The following CHSY3 variants were observed in gnomAD, a reference collection of about 807,000 sequenced individuals.
CHSY3 encodes chondroitin sulfate synthase 3.
CHSY3 carries 35 observed loss-of-function variants against 67.2 expected under a neutral mutation model. That is an observed-to-expected ratio of 0.52 (90% CI 0.40 to 0.69). The LOEUF is 0.69. CHSY3 is among the 30% of genes least tolerant of loss of function. The pLI is 0.00. For synonymous variants in CHSY3, 474 were observed against 434.7 expected, an observed-to-expected ratio of 1.09 and a Z score of -1.12; for missense variants, 1,069 against 1,138.5, an observed-to-expected ratio of 0.94 and a Z score of 0.88.
intron 2 of CHSY3, among the ~76,000 whole-genome samples, chr5:129,921,067 G>T (rs1760906996): frequency 1.3e-5 from 2 of 152,166 alleles, no homozygotes; most frequent in African/African-American, 2.4e-5. Flanking sequence ...TGATCTGCCT[G>T]CATTGGCTTC....
intron 2 of CHSY3, among the ~76,000 whole-genome samples, chr5:130,019,931 A>G (rs188606725): frequency 1.3e-5 from 2 of 152,236 alleles, no homozygotes; most frequent in East Asian, 3.9e-4. Context: ...GCATTGATTT[A>G]TTTTGCATTA....
intron 2 of CHSY3, among the ~76,000 whole-genome samples, chr5:129,935,075 A>G (rs1429809151): frequency 6.6e-6 from 1 of 152,220 alleles, no homozygotes; most frequent in Non-Finnish European, 1.5e-5. Context: ...AAATTTCCTT[A>G]GTTACATCAT....
intron 2 of CHSY3, among the ~76,000 whole-genome samples, chr5:130,152,484 T>G (rs1320227886): frequency 6.6e-6 from 1 of 152,252 alleles, no homozygotes; most frequent in Non-Finnish European, 1.5e-5. Flanking sequence ...TGTCGACTTT[T>G]TTTCCTTCAC....
intron 2 of CHSY3, among the ~76,000 whole-genome samples, chr5:130,069,181 T>C (rs1362985782): frequency 6.6e-6 from 1 of 152,068 alleles, no homozygotes. Flanking sequence ...ATAGCCTCTG[T>C]GGTCATCATA....
intron 2 of CHSY3, among the ~76,000 whole-genome samples, chr5:130,017,087 A>C (rs1368244074): frequency 6.6e-6 from 1 of 152,154 alleles, no homozygotes; most frequent in Admixed American, 6.5e-5. Flanking sequence ...AAAGACACTG[A>C]TACAAGACTG....
intron 2 of CHSY3, among the ~76,000 whole-genome samples, chr5:130,106,049 A>G (rs1767406055): frequency 6.6e-6 from 1 of 151,582 alleles, no homozygotes. Flanking sequence ...TTTTACTCTA[A>G]TATCTTACTT....
At chr5:129,919,350 T>C (rs930620767) in intron 2 of CHSY3, among the ~76,000 whole-genome samples, 3 of 152,168 alleles carry the variant, frequency 2.0e-5, no homozygotes, top group Non-Finnish European at 2.9e-5. Flanking sequence ...TTAATATCTA[T>C]AAGATGTTGT....
chr5:130,177,173 A>G (rs984376047), intron 2 of CHSY3, among the ~76,000 whole-genome samples: 9 of 135,350 alleles, frequency 6.6e-5, no homozygotes, highest in Admixed American at 3.3e-4. Context: ...ATAATTTTTC[A>G]TACATATATA....
At chr5:129,930,501 T>A (rs1761264789) in intron 2 of CHSY3, among the ~76,000 whole-genome samples, 1 of 93,194 alleles carries the variant, frequency 1.1e-5, no homozygotes, top group Non-Finnish European at 2.0e-5. Flanking sequence ...AAAGGAGGCA[T>A]CACTGGCGGG....
intron 2 of CHSY3, among the ~76,000 whole-genome samples, chr5:130,088,272 A>G (rs897902645): frequency 2.1e-4 from 32 of 151,394 alleles, no homozygotes; most frequent in African/African-American, 7.6e-4. Flanking sequence ...ACCCTGGAAG[A>G]AAACCTAGGC....
intron 2 of CHSY3, among the ~76,000 whole-genome samples, chr5:130,051,165 A>T (rs1765340806): frequency 6.6e-6 from 1 of 152,130 alleles, no homozygotes; most frequent in Non-Finnish European, 1.5e-5. Context: ...AAGGGAGTGG[A>T]TGGAGATGAG....
At chr5:129,955,782 T>C (rs892136338) in intron 2 of CHSY3, among the ~76,000 whole-genome samples, 2 of 152,130 alleles carry the variant, frequency 1.3e-5, no homozygotes, top group African/African-American at 4.8e-5. Context: ...TAGATAAGAA[T>C]ATGTGGTATT....
intron 2 of CHSY3, among the ~76,000 whole-genome samples, chr5:130,064,533 C>G (rs1252357580): frequency 6.6e-6 from 1 of 152,148 alleles, no homozygotes; most frequent in Non-Finnish European, 1.5e-5. Flanking sequence ...TTCTATGGCG[C>G]ATGTTAAGAA....
At chr5:130,144,669 G>A (rs78677467) in intron 2 of CHSY3, among the ~76,000 whole-genome samples, 3,777 of 151,948 alleles carry the variant, frequency 0.025, 147 homozygotes, top group African/African-American at 0.085. Flanking sequence ...TTTTTTTAAT[G>A]GAACTAAAGA....
intron 2 of CHSY3, among the ~76,000 whole-genome samples, chr5:129,936,212 T>G (rs1466722918): frequency 6.6e-6 from 1 of 152,216 alleles, no homozygotes; most frequent in Non-Finnish European, 1.5e-5. Context: ...CACTTTTGTT[T>G]CAATGTATCC....
chr5:130,164,373 A>T (rs1769661617), intron 2 of CHSY3, among the ~76,000 whole-genome samples: 1 of 152,226 alleles, frequency 6.6e-6, no homozygotes, highest in Non-Finnish European at 1.5e-5. Context: ...GGAGGAGTCT[A>T]CAACATTGTA....
chr5:130,135,114 T>C (rs1284287113), intron 2 of CHSY3, among the ~76,000 whole-genome samples: 1 of 152,050 alleles, frequency 6.6e-6, no homozygotes, highest in African/African-American at 2.4e-5. Flanking sequence ...TTTTTAAACA[T>C]ACATACAGTT....
At chr5:129,949,008 G>A (rs1200803717) in intron 2 of CHSY3, among the ~76,000 whole-genome samples, 2 of 152,102 alleles carry the variant, frequency 1.3e-5, no homozygotes, top group African/African-American at 4.8e-5. Context: ...CACTCTATGG[G>A]TTGTCTGTTA....
intron 2 of CHSY3, among the ~76,000 whole-genome samples, chr5:130,118,084 T>C (rs368674496): frequency 1.3e-5 from 2 of 152,246 alleles, no homozygotes; most frequent in East Asian, 3.9e-4. Context: ...GCCTGCTCCC[T>C]CTTCACTTTC....
Sources: gnomAD v4.1 joint callset for allele counts (sites outside exome capture counted in the v4.1 genomes callset) on GRCh38, gnomAD v4.1.1 for gene constraint, MANE v1.5 for transcripts, NCBI Gene and HGNC (gene_info 2026-07-23, HGNC 2026-07-21) for gene names.